NELL1: variants seen among roughly 807,000 people sequenced by gnomAD.
The protein encoded by NELL1 is neural EGFL like 1.
Under a neutral mutation model 107.4 loss-of-function variants are expected in NELL1, and 76 were observed. The observed-to-expected ratio is 0.71, with a 90% confidence interval of 0.59 to 0.86. NELL1 has a LOEUF of 0.86. Ranked by LOEUF, NELL1 falls within the 40% of genes least tolerant of loss-of-function variation. The probability of loss-of-function intolerance (pLI) is 0.00; values close to 1 mark genes in which losing one functional copy is unlikely to be tolerated. For missense variants in NELL1, 1,024 were observed against 1,005.5 expected (o/e 1.02, Z -0.25); for synonymous variants, 353 against 341.2 (o/e 1.03, Z -0.38).
At chr11:21,525,650 G>A (rs994057504) in intron 15 of NELL1, among the ~76,000 whole-genome samples, 2 of 152,148 alleles carry the variant, frequency 1.3e-5, no homozygotes, top group African/African-American at 4.8e-5. Context: ...AAAGGAAAGA[G>A]GTTTAATTGA....
intron 12 of NELL1, among the ~76,000 whole-genome samples, chr11:21,071,412 G>A (rs1854011599): frequency 6.6e-6 from 1 of 152,114 alleles, no homozygotes; most frequent in Admixed American, 6.6e-5. Context: ...AAATAGTAAA[G>A]ATGGCAATAA....
At chr11:21,058,107 T>C (rs545760913) in intron 12 of NELL1, among the ~76,000 whole-genome samples, 2 of 152,222 alleles carry the variant, frequency 1.3e-5, no homozygotes, top group South Asian at 4.1e-4. Flanking sequence ...GGCAGAGCTC[T>C]CATAATATAT....
At chr11:20,894,053 T>C (rs1318723164) in intron 5 of NELL1, among the ~76,000 whole-genome samples, 1 of 152,134 alleles carries the variant, frequency 6.6e-6, no homozygotes, top group African/African-American at 2.4e-5. Flanking sequence ...CTCACTACAG[T>C]GTGCTGGGTC....
chr11:21,207,440 A>G (rs1857413118), intron 13 of NELL1, among the ~76,000 whole-genome samples: 1 of 152,164 alleles, frequency 6.6e-6, no homozygotes, highest in African/African-American at 2.4e-5. Flanking sequence ...AGAGTAATGA[A>G]TCTAATAAAA....
intron 14 of NELL1, among the ~76,000 whole-genome samples, chr11:21,230,946 AT>A (rs1007722531): frequency 2.6e-5 from 4 of 151,976 alleles, no homozygotes; most frequent in African/African-American, 9.7e-5. Context: ...TGTGCATAGA[AT>A]TTTTTTTGCA....
Position 20,922,769 on chromosome 11 carries a change from T to C in NELL1, c.759+3435T>C, listed in dbSNP as rs1317782660. ...ATGATTCTGAGTCACTATTTTATAATTTCCTTGGATATTTATAGCTTTGAG... is the reference window on the plus strand; with the variant it reads ...ATGATTCTGAGTCACTATTTTATAACTTCCTTGGATATTTATAGCTTTGAG... On this transcript the variant is annotated intron_variant, in intron 7 of 19. Coordinates refer to ENST00000357134, the MANE Select transcript of NELL1 (RefSeq NM_006157.5). Among the ~76,000 whole-genome samples the C allele has an allele frequency of 2.0e-5, 3 of 152,274 alleles. No individual in the cohort carries two copies. In the East Asian group the frequency reaches 5.8e-4, roughly 29 times the overall value.
chr11:21,461,181 A>G (rs964811780), intron 15 of NELL1, among the ~76,000 whole-genome samples: 3 of 152,062 alleles, frequency 2.0e-5, no homozygotes, highest in Non-Finnish European at 4.4e-5. Flanking sequence ...TAATTATTTC[A>G]GAGAGTAAAA....
At chr11:21,316,975 A>G (rs1380984699) in intron 14 of NELL1, among the ~76,000 whole-genome samples, 2 of 152,176 alleles carry the variant, frequency 1.3e-5, no homozygotes, top group African/African-American at 4.8e-5. Context: ...TATGATTATG[A>G]TCATAATGTA....
chr11:20,778,952 G>T (rs1339226336), intron 2 of NELL1, among the ~76,000 whole-genome samples: 1 of 151,810 alleles, frequency 6.6e-6, no homozygotes, highest in African/African-American at 2.4e-5. Flanking sequence ...CATATATTCT[G>T]TTTTTTTTCT....
intron 12 of NELL1, among the ~76,000 whole-genome samples, chr11:21,019,276 G>A (rs1029783026): frequency 3.3e-5 from 5 of 152,018 alleles, no homozygotes; most frequent in Admixed American, 2.6e-4. Flanking sequence ...TTCTCTAAAT[G>A]AGTGAGCTTT....
intron 12 of NELL1, among the ~76,000 whole-genome samples, chr11:20,961,780 T>C (rs1185778689): frequency 6.6e-6 from 1 of 152,076 alleles, no homozygotes; most frequent in Admixed American, 6.6e-5. Flanking sequence ...AGAGCCTACT[T>C]TGGGATTTGA....
intron 14 of NELL1, among the ~76,000 whole-genome samples, chr11:21,293,614 A>G (rs748758959): frequency 6.6e-6 from 1 of 152,232 alleles, no homozygotes; most frequent in Admixed American, 6.5e-5. Flanking sequence ...TCATTCTACT[A>G]TAAAGACACA....
intron 13 of NELL1, among the ~76,000 whole-genome samples, chr11:21,189,681 CTTTTT>C (rs58557342): frequency 7.8e-5 from 11 of 141,474 alleles, no homozygotes; most frequent in Non-Finnish European, 7.7e-5. Flanking sequence ...TTGTTTCTTC[CTTTTT>C]TTTTTTTTTT....
chr11:21,405,428 G>A (rs1332827041), intron 15 of NELL1, among the ~76,000 whole-genome samples: 1 of 151,960 alleles, frequency 6.6e-6, no homozygotes. Context: ...TTTCAGATTT[G>A]TCACTGTGTT....
At position 20,908,897 on chromosome 11, in the gene NELL1, T is replaced by C. The variant is rs1310767217; in HGVS notation, c.604-9285T>C. ...TATGTCAGTGTTCACTGCAGCCTTATTCAAAATACACAAAAGATGGAATGA... is the reference window on the plus strand; with the variant it reads ...TATGTCAGTGTTCACTGCAGCCTTACTCAAAATACACAAAAGATGGAATGA... On this transcript the variant is annotated intron_variant, in intron 5 of 19. Transcript: ENST00000357134. 2.0e-5 allele frequency among the ~76,000 whole-genome samples: 3 copies of C among 152,108 alleles called. No individual in the cohort carries two copies. In the East Asian group the frequency reaches 5.8e-4, roughly 29 times the overall value.
intron 13 of NELL1, among the ~76,000 whole-genome samples, chr11:21,141,312 A>G (rs1459502143): frequency 6.6e-6 from 1 of 152,194 alleles, no homozygotes; most frequent in Non-Finnish European, 1.5e-5. Context: ...ACACAATCTG[A>G]AGCAAGCCAC....
chr11:21,461,839 G>A (rs1222186462), intron 15 of NELL1, among the ~76,000 whole-genome samples: 1 of 152,110 alleles, frequency 6.6e-6, no homozygotes, highest in Non-Finnish European at 1.5e-5. Context: ...GTGTGGTTCA[G>A]TGAATACCAA....
At chr11:21,119,778 G>T (rs1012911050) in intron 13 of NELL1, among the ~76,000 whole-genome samples, 1 of 152,114 alleles carries the variant, frequency 6.6e-6, no homozygotes, top group Non-Finnish European at 1.5e-5. Flanking sequence ...TCTCTCCCCC[G>T]TATGCTTTTG....
chr11:21,527,482 G>C (rs1300368259), intron 15 of NELL1, among the ~76,000 whole-genome samples: 2 of 152,140 alleles, frequency 1.3e-5, no homozygotes, highest in Non-Finnish European at 2.9e-5. Context: ...CTTTACAGCA[G>C]CACCCCACTC....
Sources: gnomAD v4.1 joint callset for allele counts (sites outside exome capture counted in the v4.1 genomes callset) on GRCh38, gnomAD v4.1.1 for gene constraint, MANE v1.5 for transcripts, NCBI Gene and HGNC (gene_info 2026-07-23, HGNC 2026-07-21) for gene names.